Variants in SORCS1 observed in about 807,000 individuals in gnomAD.
SORCS1 encodes the protein sortilin related VPS10 domain containing receptor 1.
A neutral mutation model predicts 146.1 loss-of-function variants in SORCS1; 60 were observed. The ratio of observed to expected loss-of-function variants is 0.41; its 90% CI spans 0.33 to 0.51. The LOEUF (loss-of-function observed/expected upper bound fraction) is 0.51, where lower values mean the gene tolerates loss of function less well. Ranked by LOEUF, SORCS1 falls within the 20% of genes least tolerant of loss-of-function variation. The probability of loss-of-function intolerance (pLI) is 0.21; values close to 1 mark genes in which losing one functional copy is unlikely to be tolerated. For synonymous variants in SORCS1, 637 were observed against 584.0 expected (o/e 1.09, Z -1.31); for missense variants, 1,352 against 1,487.6 (o/e 0.91, Z 1.50).
At chr10:106,783,151 C>T (rs114186966) in intron 3 of SORCS1, among the ~76,000 whole-genome samples, 1,575 of 152,292 alleles carry the variant, frequency 0.01, 25 homozygotes, top group African/African-American at 0.035. Context: ...TCATTGAAGA[C>T]AGTAGTGATA....
At chr10:106,907,560 T>C (rs1951962836) in intron 2 of SORCS1, among the ~76,000 whole-genome samples, 1 of 152,184 alleles carries the variant, frequency 6.6e-6, no homozygotes, top group South Asian at 2.1e-4. Context: ...TAAATATTAC[T>C]CTGATAATCA....
At position 107,010,406 on chromosome 10, in the gene SORCS1, T is replaced by C. The variant is rs867401184; in HGVS notation, c.559-53826A>G. ...CATGCTCCACTGAGTTGAGGCCTAG[T>C]TACTTGCTCACAAGGCATAACTTTA... On this transcript the variant is annotated intron_variant, in intron 1 of 25. Transcript: ENST00000263054. 1.1e-4 allele frequency among the ~76,000 whole-genome samples: 17 copies of C among 148,924 alleles called. 1 individual carries two copies. The Middle Eastern group carries it at 0.014, about 119-fold the overall frequency.
chr10:106,642,921 G>C (rs1849167208), intron 18 of SORCS1, among the ~76,000 whole-genome samples: 1 of 152,202 alleles, frequency 6.6e-6, no homozygotes, highest in Non-Finnish European at 1.5e-5. Flanking sequence ...AAGAATATAA[G>C]AGCCACAGGC....
intron 3 of SORCS1, among the ~76,000 whole-genome samples, chr10:106,796,480 T>G (rs1183683354): frequency 6.6e-6 from 1 of 152,228 alleles, no homozygotes; most frequent in Non-Finnish European, 1.5e-5. Context: ...ATTATACTCA[T>G]AAGTCCCATC....
intron 1 of SORCS1, among the ~76,000 whole-genome samples, chr10:106,958,756 G>A (rs1306020967): frequency 1.3e-5 from 2 of 152,102 alleles, no homozygotes; most frequent in Non-Finnish European, 2.9e-5. Context: ...GCCTGTGGTG[G>A]GGGCATATGC....
intron 2 of SORCS1, among the ~76,000 whole-genome samples, chr10:106,904,981 C>A (rs187925471): frequency 1.2e-4 from 18 of 152,264 alleles, no homozygotes; most frequent in Middle Eastern, 6.8e-3. Context: ...GCAAATATTG[C>A]TGTCAAAAAC....
chr10:106,784,848 C>A (rs926599227), intron 3 of SORCS1, among the ~76,000 whole-genome samples: 11 of 152,178 alleles, frequency 7.2e-5, no homozygotes, highest in Non-Finnish European at 4.4e-5. Context: ...TCTATCTTAA[C>A]ATTGATTTAA....
chr10:106,775,205 C>G (rs534444321), intron 4 of SORCS1, among the ~76,000 whole-genome samples: 1 of 152,176 alleles, frequency 6.6e-6, no homozygotes, highest in African/African-American at 2.4e-5. Context: ...AACCAACTGT[C>G]GAATAAAATG....
intron 2 of SORCS1, among the ~76,000 whole-genome samples, chr10:106,899,612 T>G (rs1424708375): frequency 5.2e-5 from 6 of 115,522 alleles, no homozygotes; most frequent in East Asian, 2.5e-4. Flanking sequence ...TTTTTTTTTT[T>G]GTCCAAAATT....
chr10:106,838,428 C>T (rs965171950), intron 2 of SORCS1, among the ~76,000 whole-genome samples: 9 of 152,132 alleles, frequency 5.9e-5, no homozygotes, highest in East Asian at 1.9e-4. Context: ...GAACCTATAA[C>T]GAAGGATAAT....
intron 3 of SORCS1, among the ~76,000 whole-genome samples, chr10:106,782,628 A>G (rs1264477759): frequency 6.6e-6 from 1 of 152,220 alleles, no homozygotes; most frequent in Non-Finnish European, 1.5e-5. Context: ...TTGGAAGATG[A>G]TTCAAAAAAG....
the SORCS1 span, among the ~76,000 whole-genome samples, chr10:107,180,210 C>G: frequency 6.6e-6 from 1 of 152,274 alleles, no homozygotes; most frequent in Non-Finnish European, 1.5e-5. Flanking sequence ...GCCACTGAGA[C>G]TGGCTTGAAC....
chr10:106,783,787 T>C (rs1861073912), intron 3 of SORCS1, among the ~76,000 whole-genome samples: 1 of 152,312 alleles, frequency 6.6e-6, no homozygotes, highest in South Asian at 2.1e-4. Flanking sequence ...CTTCCGTAGA[T>C]TGGATTTTAT....
At chr10:106,951,513 GAAAAA>G (rs367987734) in intron 2 of SORCS1, among the ~76,000 whole-genome samples, 3 of 113,988 alleles carry the variant, frequency 2.6e-5, no homozygotes, top group African/African-American at 7.1e-5. Context: ...CTCCGTCTCT[GAAAAA>G]AAAAAAAAAA....
At position 106,776,613 on chromosome 10, in the gene SORCS1, C is replaced by T. The variant is rs770382149; in HGVS notation, c.806G>A (p.Arg269Gln). Residue 269 changes from arginine to glutamine, a missense_variant, in exon 4 of 26, where the codon CGG becomes CAG. Arg to Gln is a conservative substitution (Grantham distance 43). Coordinates refer to ENST00000263054, the MANE Select transcript of SORCS1 (RefSeq NM_052918.5). ...SDEGATYQKY[R>Q]LNFYIQSLLF... ...CAAGCTTTGAATGTAGAAGTTCAGC[C>T]GGTACTTTTGATAAGTTGCCCCTTC... 8 of 1,613,876 alleles carry T rather than the reference C, an allele frequency of 5.0e-6. No individual in the cohort carries two copies. The highest frequency in any genetic ancestry group is 2.2e-5 in the South Asian group (2 of 91,068).
At chr10:106,731,674 T>C (rs149511687) in intron 5 of SORCS1, among the ~76,000 whole-genome samples, 3 of 152,294 alleles carry the variant, frequency 2.0e-5, no homozygotes, top group East Asian at 3.9e-4. Flanking sequence ...ATTATTTTTG[T>C]GTTTTTCCAA....
chr10:106,694,706 T>C (rs2135704088), intron 9 of SORCS1, among the ~76,000 whole-genome samples: 1 of 152,238 alleles, frequency 6.6e-6, no homozygotes, highest in Non-Finnish European at 1.5e-5. Flanking sequence ...AAAGAGAGGG[T>C]ACTCATAACG....
intron 18 of SORCS1, among the ~76,000 whole-genome samples, chr10:106,640,330 C>T (rs1159673790): frequency 6.6e-6 from 1 of 152,138 alleles, no homozygotes; most frequent in African/African-American, 2.4e-5. Context: ...AGGACACAGT[C>T]CTCATGTTTT....
chr10:106,649,864 A>G (rs1243912885), intron 18 of SORCS1, among the ~76,000 whole-genome samples: 1 of 151,938 alleles, frequency 6.6e-6, no homozygotes, highest in Non-Finnish European at 1.5e-5. Flanking sequence ...TTTAACTTCT[A>G]TTCATATGGG....
Sources: gnomAD v4.1 joint callset for allele counts (sites outside exome capture counted in the v4.1 genomes callset) on GRCh38, gnomAD v4.1.1 for gene constraint, MANE v1.5 for transcripts, NCBI Gene and HGNC (gene_info 2026-07-23, HGNC 2026-07-21) for gene names.